The following ASTN2 variants were observed in gnomAD, a reference collection of about 807,000 sequenced individuals.
The protein encoded by ASTN2 is astrotactin-2.
Under a neutral mutation model 139.8 loss-of-function variants are expected in ASTN2, and 54 were observed. The observed-to-expected ratio is 0.39, with a 90% CI of 0.31 to 0.48. The LOEUF (loss-of-function observed/expected upper bound fraction) is 0.48, where lower values mean the gene tolerates loss of function less well. Ranked by LOEUF, ASTN2 falls within the 20% of genes least tolerant of loss-of-function variation. The probability of loss-of-function intolerance (pLI) is 0.95; values close to 1 mark genes in which losing one functional copy is unlikely to be tolerated. For synonymous variants in ASTN2, 756 were observed against 719.5 expected (o/e 1.05, Z -0.81); for missense variants, 1,565 against 1,725.1 (o/e 0.91, Z 1.64).
At chr9:116,872,605 G>A (rs551016331) in intron 10 of ASTN2, among the ~76,000 whole-genome samples, 1 of 152,256 alleles carries the variant, frequency 6.6e-6, no homozygotes, top group South Asian at 2.1e-4. Flanking sequence ...AGCAAGATAA[G>A]TGAGGCCACA....
chr9:116,426,072 G>C lies in ASTN2; in HGVS notation c.3799C>G (p.Leu1267Val), dbSNP rs1847300956. 3 of 1,613,304 alleles carry C rather than the reference G, an allele frequency of 1.9e-6. No homozygotes were observed. The highest frequency in any genetic ancestry group is 2.5e-6 in the Non-Finnish European group (3 of 1,180,038). The stretch of plus-strand genomic sequence containing the variant: ...CTACTCACCCTCTCCAGTCGCCGTA[G>C]AATCAGGTGGGCCTTCCTGAAAGGT... ...ELGPRKAHLILRRLERVSSHC... is the reference protein window; with the variant it reads ...ELGPRKAHLIVRRLERVSSHC... The change falls in exon 23 of 23, where the codon CTA (leucine) becomes GTA (valine). Residue 1267 changes from leucine to valine, a missense_variant. Transcript: ENST00000313400.
intron 10 of ASTN2, among the ~76,000 whole-genome samples, chr9:116,955,687 A>G (rs1177680336): frequency 6.6e-6 from 1 of 152,242 alleles, no homozygotes; most frequent in Non-Finnish European, 1.5e-5. Flanking sequence ...CTGCTCTAGC[A>G]TCTGACTGTG....
At chr9:116,712,961 G>A (rs1051418035) in intron 16 of ASTN2, among the ~76,000 whole-genome samples, 1 of 152,140 alleles carries the variant, frequency 6.6e-6, no homozygotes, top group Non-Finnish European at 1.5e-5. Context: ...GGACTTGGGA[G>A]TCAGACAGTC....
chr9:116,441,862 T>C (rs1847849312), intron 21 of ASTN2, among the ~76,000 whole-genome samples: 1 of 152,226 alleles, frequency 6.6e-6, no homozygotes, highest in Non-Finnish European at 1.5e-5. Context: ...ACTGATTATA[T>C]TTTTTCAGGT....
chr9:117,316,126 T>A (rs1725123651), intron 1 of ASTN2, among the ~76,000 whole-genome samples: 1 of 152,160 alleles, frequency 6.6e-6, no homozygotes, highest in Admixed American at 6.5e-5. Context: ...ACTCAAACAC[T>A]CCACTTTCTC....
intron 6 of ASTN2, among the ~76,000 whole-genome samples, chr9:117,029,647 T>A (rs1236719043): frequency 6.6e-6 from 1 of 151,386 alleles, no homozygotes; most frequent in Non-Finnish European, 1.5e-5. Flanking sequence ...ACAGAGAGTA[T>A]GGTATGCAAA....
intron 6 of ASTN2, among the ~76,000 whole-genome samples, chr9:117,032,713 G>C (rs7042762): frequency 0.12 from 18,584 of 152,114 alleles, 1,669 homozygotes; most frequent in East Asian, 0.45. Flanking sequence ...GTAGGGATGA[G>C]AGCAAATAAA....
At position 116,812,098 on chromosome 9, in the gene ASTN2, C is replaced by T. The variant is rs1386927891; in HGVS notation, c.2208-6278G>A. 3.9e-5 allele frequency among the ~76,000 whole-genome samples: 6 copies of T among 151,924 alleles called. No homozygotes were observed. The East Asian group carries it at 9.6e-4, about 24-fold the overall frequency. On this transcript the variant is annotated intron_variant, in intron 12 of 22. Transcript: ENST00000313400. Reference sequence around the variant, plus strand: ...CTGAGTGTGTGTGTGTACATACACACGTATTTGCAAAGCTCAGTCCCACAT... The same window carrying T: ...CTGAGTGTGTGTGTGTACATACACATGTATTTGCAAAGCTCAGTCCCACAT...
intron 1 of ASTN2, among the ~76,000 whole-genome samples, chr9:117,353,792 G>A (rs1345726906): frequency 6.6e-6 from 1 of 152,094 alleles, no homozygotes; most frequent in African/African-American, 2.4e-5. Context: ...AGTGAAAGAA[G>A]CCAATCTGAA....
At chr9:117,083,442 C>A (rs1047537049) in intron 5 of ASTN2, among the ~76,000 whole-genome samples, 1 of 152,178 alleles carries the variant, frequency 6.6e-6, no homozygotes, top group African/African-American at 2.4e-5. Context: ...CAAAATCTCC[C>A]AAACTGACAG....
chr9:117,338,323 T>C (rs1332988983), intron 1 of ASTN2, among the ~76,000 whole-genome samples: 1 of 152,134 alleles, frequency 6.6e-6, no homozygotes, highest in Non-Finnish European at 1.5e-5. Flanking sequence ...AAATAAAGCA[T>C]GCCCACTTAG....
intron 3 of ASTN2, among the ~76,000 whole-genome samples, chr9:117,196,490 T>C (rs1831506196): frequency 6.6e-6 from 1 of 152,208 alleles, no homozygotes; most frequent in Admixed American, 6.5e-5. Flanking sequence ...TTCAGATTTC[T>C]TGGACTGGGA....
intron 1 of ASTN2, among the ~76,000 whole-genome samples, chr9:117,355,373 A>T (rs1300545043): frequency 6.6e-6 from 1 of 152,132 alleles, no homozygotes; most frequent in Non-Finnish European, 1.5e-5. Context: ...AACAACATTT[A>T]TTTTCATTTA....
intron 17 of ASTN2, among the ~76,000 whole-genome samples, chr9:116,623,572 A>G (rs960032493): frequency 6.6e-6 from 1 of 152,194 alleles, no homozygotes; most frequent in Non-Finnish European, 1.5e-5. Flanking sequence ...AGAATGTTCC[A>G]GCTTCACAGG....
intron 10 of ASTN2, among the ~76,000 whole-genome samples, chr9:116,906,583 C>A (rs1326135741): frequency 6.6e-6 from 1 of 152,168 alleles, no homozygotes; most frequent in Non-Finnish European, 1.5e-5. Context: ...CTAGTCTAAT[C>A]TTTTAAAGTA....
At chr9:116,931,538 A>G (rs1363901023) in intron 10 of ASTN2, among the ~76,000 whole-genome samples, 2 of 152,214 alleles carry the variant, frequency 1.3e-5, no homozygotes, top group Admixed American at 1.3e-4. Flanking sequence ...ATTGAGCAAA[A>G]GATTTTAACT....
chr9:117,385,702 C>T (rs953409370), intron 1 of ASTN2, among the ~76,000 whole-genome samples: 9 of 150,794 alleles, frequency 6.0e-5, no homozygotes, highest in African/African-American at 2.2e-4. Flanking sequence ...CTAGGAACGA[C>T]AGAGGGAAGC....
intron 13 of ASTN2, among the ~76,000 whole-genome samples, chr9:116,764,399 A>G (rs2038964): frequency 0.95 from 144,938 of 152,208 alleles, 69,233 homozygotes; most frequent in Non-Finnish European, 0.99. Context: ...GGTTGGCTGA[A>G]GTTGTCATTG....
chr9:116,890,307 T>A (rs1833731333), intron 10 of ASTN2, among the ~76,000 whole-genome samples: 1 of 152,204 alleles, frequency 6.6e-6, no homozygotes, highest in Non-Finnish European at 1.5e-5. Flanking sequence ...TCCTTTCTTA[T>A]TCCATATTCC....
Sources: gnomAD v4.1 joint callset for allele counts (sites outside exome capture counted in the v4.1 genomes callset) on GRCh38, gnomAD v4.1.1 for gene constraint, MANE v1.5 for transcripts, NCBI Gene and HGNC (gene_info 2026-07-23, HGNC 2026-07-21) for gene names.